TMC3: variants seen among roughly 807,000 people sequenced by gnomAD.
TMC3 encodes the protein transmembrane channel like 3.
TMC3 carries 98 observed loss-of-function variants against 110.6 expected under a neutral mutation model. The ratio of observed to expected loss-of-function variants is 0.89; its 90% CI spans 0.75 to 1.05. TMC3 has a LOEUF of 1.05. Among genes scored for constraint, TMC3 ranks in the 50% least tolerant of loss-of-function variants. The pLI, the probability that TMC3 is intolerant of heterozygous loss-of-function variation, is 0.00. For synonymous variants in TMC3, 489 were observed against 513.1 expected (o/e 0.95, Z 0.63); for missense variants, 1,319 against 1,373.2 (o/e 0.96, Z 0.62).
intron 2 of TMC3, 146 bp downstream of exon 2, chr15:81,372,443 GAT>G: frequency 1.1e-6 from 1 of 888,700 alleles, no homozygotes; most frequent in Non-Finnish European, 1.7e-6. Context: ...AGACCTCTCA[GAT>G]ATCTTTGTGA....
At chr15:81,342,686 G>C (rs754660627) in intron 15 of TMC3, 1 of 152,058 alleles carries the variant, frequency 6.6e-6, no homozygotes, top group African/African-American at 2.4e-5. Context: ...TTTTTTGTTC[G>C]TTTGTTTGCT....
Position 81,359,457 on chromosome 15 carries a change from C to T in TMC3, c.409G>A (p.Gly137Ser). 6.3e-7 allele frequency: 1 copy of T among 1,593,074 alleles called. No individual in the cohort carries two copies. The highest frequency in any genetic ancestry group is 8.5e-7 in the Non-Finnish European group (1 of 1,171,296). Residue 137 changes from glycine to serine, a missense_variant, in exon 5 of 22, where the codon GGC (glycine) becomes AGC (serine). Physicochemically the swap from Gly to Ser is moderately conservative, Grantham distance 56. Transcript: ENST00000359440. The part of the protein sequence containing the change: ...IKKIESHFGS[G>S]VASYFIFLRW... ...AAGAATATGAAATAGGAGGCAACGC[C>T]AGATCCAAAATGACCTAAAGAAAGA...
In TMC3 at chr15:81,356,386, A is replaced by G. The variant is rs564301279; in HGVS notation, c.891+61T>C. 2,294 of 1,516,374 alleles carry G rather than the reference A, an allele frequency of 1.5e-3. 8 individuals are homozygous for G. Among genetic ancestry groups the G allele is most frequent in the Middle Eastern group, 3.0e-3 (13 of 4,306 alleles). 93.9% of individuals were successfully genotyped at this position (1,516,374 alleles called of 1,614,324 possible). On this transcript the variant is annotated intron_variant, in intron 8 of 21. Coordinates refer to ENST00000359440, the MANE Select transcript of TMC3 (RefSeq NM_001080532.3). ...TGGTTCTGGCTTCCAGCTGAGGGCCAGCGGCTGGCTCTGACCCTGAGCTGC... is the reference window on the plus strand; with the variant it reads ...TGGTTCTGGCTTCCAGCTGAGGGCCGGCGGCTGGCTCTGACCCTGAGCTGC...
chr15:81,374,156 T>G lies in TMC3; in HGVS notation c.-79A>C. On this transcript the variant is annotated 5_prime_UTR_variant, in exon 1 of 22. Coordinates refer to ENST00000359440, the MANE Select transcript of TMC3 (RefSeq NM_001080532.3). ...GCAGGCAAAGGTCTGTTCCGAGGTT[T>G]CTGAATGGAAGCAGCGGAGTTTGCT... 7.6e-7 allele frequency: 1 copy of G among 1,309,860 alleles called. No homozygotes were observed. The highest frequency in any genetic ancestry group is 1.9e-5 in the Admixed American group (1 of 53,188). 81.1% of individuals were successfully genotyped at this position (1,309,860 alleles called of 1,614,324 possible). A position where few individuals can be genotyped will look rare whatever the true frequency, so the allele number is the denominator to read the frequency against.
chr15:81,357,378 G>T (rs1894087900), intron 7 of TMC3, among the ~76,000 whole-genome samples: 3 of 151,862 alleles, frequency 2.0e-5, no homozygotes, highest in Admixed American at 2.0e-4. Flanking sequence ...ATGAAGGGTG[G>T]TTACACAAAT....
chr15:81,355,947 C>T (rs574854783), intron 8 of TMC3, among the ~76,000 whole-genome samples, 179 bp from the exon 9 acceptor site: 2 of 143,814 alleles, frequency 1.4e-5, no homozygotes, highest in African/African-American at 5.9e-5. Context: ...AAAATATTGG[C>T]GGTTGGGAAG....
chr15:81,343,810 T>C lies in TMC3; in HGVS notation c.1647+107A>G, dbSNP rs1031873931. ...CCCATCTCTTCCCACTTGTATTCTC[T>C]TTCCGTGTGTCCCCCTCAACTATGC... On this transcript the variant is annotated intron_variant, in intron 14 of 21. Coordinates refer to ENST00000359440, the MANE Select transcript of TMC3 (RefSeq NM_001080532.3). 5 of 1,275,614 alleles carry C rather than the reference T, an allele frequency of 3.9e-6. No homozygotes were observed. In the African/African-American group the frequency reaches 4.5e-5, roughly 11 times the overall value. 79.0% of individuals were successfully genotyped at this position (1,275,614 alleles called of 1,614,324 possible). A position where few individuals can be genotyped will look rare whatever the true frequency, so the allele number is the denominator to read the frequency against.
chr15:81,357,264 G>T (rs555091723), intron 7 of TMC3, among the ~76,000 whole-genome samples: 68 of 152,218 alleles, frequency 4.5e-4, no homozygotes, highest in African/African-American at 1.6e-3. Context: ...AAGGCCCCTA[G>T]GTCATTATGC....
intron 16 of TMC3, among the ~76,000 whole-genome samples, chr15:81,340,773 A>T (rs1567062056): frequency 6.6e-6 from 1 of 152,204 alleles, no homozygotes; most frequent in Admixed American, 6.5e-5. Context: ...TGCAACAAAG[A>T]TACTTAGGAT....
intron 17 of TMC3, among the ~76,000 whole-genome samples, 197 bp from the exon 18 acceptor site, chr15:81,338,977 T>C (rs555849823): frequency 1.3e-5 from 2 of 152,330 alleles, no homozygotes; most frequent in South Asian, 4.1e-4. Flanking sequence ...TCGTGTACAC[T>C]AAGGTAGACT....
chr15:81,336,717 T>TG, intron 19 of TMC3, 66 bp from the exon 20 acceptor site: 1 of 1,520,978 alleles, frequency 6.6e-7, no homozygotes, highest in Non-Finnish European at 9.1e-7. Context: ...ATATTATTCC[T>TG]GGGGGAAGAG....
chr15:81,355,412 T>C (rs542768423), intron 9 of TMC3, among the ~76,000 whole-genome samples: 8 of 152,222 alleles, frequency 5.3e-5, no homozygotes, highest in Non-Finnish European at 7.3e-5. Flanking sequence ...AGTTTCTAAA[T>C]AAAACTAGTC....
chr15:81,340,224 GTCTCTCTCTCTC>G (rs5814056), intron 16 of TMC3, among the ~76,000 whole-genome samples: 2 of 148,374 alleles, frequency 1.3e-5, no homozygotes, highest in South Asian at 2.1e-4. Flanking sequence ...CTCTGTCTCT[GTCTCTCTCTCTC>G]TCTCTCTCTC....
At chr15:81,340,118 G>A (rs1380469857) in intron 16 of TMC3, among the ~76,000 whole-genome samples, 7 of 152,182 alleles carry the variant, frequency 4.6e-5, no homozygotes, top group African/African-American at 1.7e-4. Context: ...GATCTGTTTG[G>A]TGTGCAAGGC....
chr15:81,350,056 G>C (rs1260931827), intron 10 of TMC3, among the ~76,000 whole-genome samples: 1 of 151,152 alleles, frequency 6.6e-6, no homozygotes, highest in Non-Finnish European at 1.5e-5. Flanking sequence ...AGACCAGCCA[G>C]GGCAACACAG....
rs1037997179 is a variant in TMC3 at position 81,334,628 on chromosome 15, T to C, written c.2459+92A>G. 1.4e-5 allele frequency: 20 copies of C among 1,469,838 alleles called. No individual in the cohort carries two copies. In the African/African-American group the frequency reaches 2.5e-4, roughly 19 times the overall value. 91.0% of individuals were successfully genotyped at this position (1,469,838 alleles called of 1,614,324 possible). A position where few individuals can be genotyped will look rare whatever the true frequency, so the allele number is the denominator to read the frequency against. ...TCCTGACCCATGCCTTCTGGGAGAA[T>C]TAGAATTTAATGGCCTTGGCCTCCT... On this transcript the variant is annotated intron_variant, in intron 21 of 21. Coordinates refer to ENST00000359440, the MANE Select transcript of TMC3 (RefSeq NM_001080532.3).
intron 4 of TMC3, among the ~76,000 whole-genome samples, chr15:81,361,302 T>A (rs1400820487): frequency 6.6e-6 from 1 of 152,182 alleles, no homozygotes; most frequent in African/African-American, 2.4e-5. Context: ...AACTTACTCT[T>A]TAAAACAATT....
intron 21 of TMC3, 149 bp from the exon 22 acceptor site, chr15:81,333,411 T>C: frequency 8.9e-7 from 1 of 1,117,896 alleles, no homozygotes; most frequent in Non-Finnish European, 1.2e-6. Flanking sequence ...CACAGAGACA[T>C]TTGGGGGACA....
chr15:81,340,879 C>T (rs1170960049), intron 16 of TMC3, among the ~76,000 whole-genome samples: 4 of 152,234 alleles, frequency 2.6e-5, no homozygotes, highest in African/African-American at 9.6e-5. Flanking sequence ...TATATTTTCT[C>T]AGTGAGTTGA....
Sources: allele counts gnomAD v4.1 joint callset (sites outside exome capture counted in the v4.1 genomes callset), GRCh38; gene constraint gnomAD v4.1.1; transcripts MANE v1.5; gene names NCBI Gene and HGNC (gene_info 2026-07-23, HGNC 2026-07-21).